POLQ: variants seen among roughly 807,000 people sequenced by gnomAD.
POLQ encodes DNA polymerase theta.
In POLQ, 233 loss-of-function variants were observed where a neutral mutation model predicts 259.2. That is an observed-to-expected ratio of 0.90 (90% CI 0.81 to 1.00). The LOEUF (loss-of-function observed/expected upper bound fraction) is 1.00, where lower values mean the gene tolerates loss of function less well. Ranked by LOEUF, POLQ falls within the 50% of genes least tolerant of loss-of-function variation. The probability of loss-of-function intolerance (pLI) is 0.00; values close to 1 mark genes in which losing one functional copy is unlikely to be tolerated. For missense variants in POLQ, 2,871 were observed against 3,051.6 expected, an observed-to-expected ratio of 0.94 and a Z score of 1.39; for synonymous variants, 1,025 against 1,048.8, an observed-to-expected ratio of 0.98 and a Z score of 0.44.
chr3:121,436,184 G>C lies in POLQ; in HGVS notation c.7481C>G (p.Thr2494Ser). 1.9e-6 allele frequency: 3 copies of C among 1,613,664 alleles called. No homozygotes were observed. Among genetic ancestry groups the C allele is most frequent in the Non-Finnish European group, 1.7e-6 (2 of 1,179,618 alleles). The change falls in exon 28 of 30, where the codon ACC (threonine) becomes AGC (serine). Residue 2494 changes from threonine (T) to serine (S), a missense_variant. Physicochemically the swap from Thr to Ser is moderately conservative, Grantham distance 58 (BLOSUM62 1). This residue lies in a region of POLQ where 2,080 missense variants were observed against 2,126.0 expected (regional missense o/e 0.98). Transcript: ENST00000264233. ...ATVNIQKQLE[T>S]FHSTFKSHGH... The stretch of plus-strand genomic sequence containing the variant: ...ATGGGATTTGAAGGTTGAGTGGAAG[G>C]TCTCTAATTGCTTCTGAATGTTAAC...
At chr3:121,479,362 ATGTGTGTG>A (rs71133538) in intron 19 of POLQ, among the ~76,000 whole-genome samples, 6 of 142,654 alleles carry the variant, frequency 4.2e-5, no homozygotes, top group African/African-American at 7.9e-5. Context: ...AAAAAAAAAA[ATGTGTGTG>A]TGTGTGTGTG....
chr3:121,521,418 A>G (rs2048335513), intron 8 of POLQ, among the ~76,000 whole-genome samples: 1 of 152,156 alleles, frequency 6.6e-6, no homozygotes, highest in Non-Finnish European at 1.5e-5. Context: ...TTTCTAATGC[A>G]TTTAAAAGTT....
At position 121,432,146 on chromosome 3, in the gene POLQ, T is replaced by C. The variant is rs1235906352; in HGVS notation, c.*158A>G. ...CAGAAGTTTTTGATGCTATAGACAC[T>C]GATATATAGTTTGAAACTCTCACTA... On this transcript the variant is annotated 3_prime_UTR_variant, in exon 30 of 30. Transcript: ENST00000264233. 1.6e-6 allele frequency: 1 copy of C among 615,834 alleles called. No homozygotes were observed. Among genetic ancestry groups the C allele is most frequent in the Non-Finnish European group, 2.6e-6 (1 of 380,882 alleles). 38.1% of individuals were successfully genotyped at this position (615,834 alleles called of 1,614,324 possible). A position where few individuals can be genotyped will look rare whatever the true frequency, so the allele number is the denominator to read the frequency against.
rs1183015413 is a variant in POLQ, at chr3:121,473,468, T to C, written c.6425A>G (p.Lys2142Arg). 3 of 1,612,664 alleles carry C rather than the reference T, an allele frequency of 1.9e-6. No homozygotes were observed. Among genetic ancestry groups the C allele is most frequent in the East Asian group, 2.2e-5 (1 of 44,876 alleles). ...TTTCATCTCTCTATTTGGGGGCAAC[T>C]TCAATTCCAAAAATAAAACCTGCAA... The part of the protein sequence containing the change: ...DIAEVLFLEL[K>R]LPPNREMKNQ... The change falls in exon 21 of 30, where the codon AAG becomes AGG. Residue 2142 changes from lysine to arginine, a missense_variant. By Grantham distance (26) the Lys-to-Arg change is conservative (BLOSUM62 2). Around this residue, in one of 3 missense-constraint regions of POLQ, gnomAD observed 2,080 missense variants for 2,126.0 expected, o/e 0.98. Coordinates refer to ENST00000264233, the MANE Select transcript of POLQ (RefSeq NM_199420.4).
chr3:121,456,102 C>G (rs1260101388), intron 25 of POLQ, among the ~76,000 whole-genome samples: 1 of 152,088 alleles, frequency 6.6e-6, no homozygotes, highest in Non-Finnish European at 1.5e-5. Context: ...AAATGTAATC[C>G]AGCATATAAA....
intron 6 of POLQ, among the ~76,000 whole-genome samples, chr3:121,530,366 G>A (rs2048402436): frequency 6.6e-6 from 1 of 152,090 alleles, no homozygotes; most frequent in South Asian, 2.1e-4. Context: ...ATTTAAGGTA[G>A]GCTAGGCTAA....
chr3:121,542,705 A>G (rs974908276), intron 2 of POLQ, among the ~76,000 whole-genome samples: 1 of 152,188 alleles, frequency 6.6e-6, no homozygotes, highest in Admixed American at 6.6e-5. Context: ...ACAGTGAATC[A>G]TGCCTGTAAT....
At chr3:121,468,247 T>A in intron 23 of POLQ, 58 bp downstream of exon 23, 2 of 1,374,046 alleles carry the variant, frequency 1.5e-6, no homozygotes, top group East Asian at 4.7e-5. Flanking sequence ...ATAAGCTATT[T>A]TGAGCCATTC....
At position 121,537,227 on chromosome 3, in the gene POLQ, T is replaced by C; in HGVS notation, c.632-19A>G. ...ACCATTCCTAAAAAGATTTTCCAGA[T>C]ACTAGGTTTTTACAGAATGTCACAT... On this transcript the variant is annotated intron_variant, in intron 4 of 29. Coordinates refer to ENST00000264233, the MANE Select transcript of POLQ (RefSeq NM_199420.4). 1.5e-6 allele frequency: 2 copies of C among 1,363,732 alleles called. No individual in the cohort carries two copies. Among genetic ancestry groups the C allele is most frequent in the Non-Finnish European group, 2.1e-6 (2 of 955,168 alleles). The allele number at this position is 1,363,732 out of a possible 1,614,324, so 84.5% of individuals were successfully genotyped here. A position where few individuals can be genotyped will look rare whatever the true frequency, so the allele number is the denominator to read the frequency against.
chr3:121,459,139 A>T (rs73855394), intron 25 of POLQ, among the ~76,000 whole-genome samples: 3,274 of 152,214 alleles, frequency 0.022, 116 homozygotes, highest in African/African-American at 0.075. Flanking sequence ...ACTAACATGG[A>T]TCCATTTCAA....
At chr3:121,543,093 T>C (rs1158585996) in intron 2 of POLQ, among the ~76,000 whole-genome samples, 2 of 152,196 alleles carry the variant, frequency 1.3e-5, no homozygotes, top group African/African-American at 4.8e-5. Flanking sequence ...TAATGAGCTG[T>C]ACCAGGTAAT....
At chr3:121,539,763 TAA>T (rs2048477716) in intron 3 of POLQ, among the ~76,000 whole-genome samples, 174 bp from the exon 4 acceptor site, 1 of 152,198 alleles carries the variant, frequency 6.6e-6, no homozygotes, top group Non-Finnish European at 1.5e-5. Context: ...ACTAAAAATA[TAA>T]AGTTTAGAAC....
At chr3:121,439,667 G>T (rs960267684) in intron 27 of POLQ, among the ~76,000 whole-genome samples, 1 of 151,962 alleles carries the variant, frequency 6.6e-6, no homozygotes, top group African/African-American at 2.4e-5. Flanking sequence ...AGGAAACAAA[G>T]AATAATTAGC....
chr3:121,541,296 A>C, intron 3 of POLQ, 53 bp downstream of exon 3: 1 of 1,422,342 alleles, frequency 7.0e-7, no homozygotes, highest in Middle Eastern at 1.8e-4. Context: ...GAATGAAACC[A>C]AGACTGCCAA....
intron 16 of POLQ, 55 bp from the exon 17 acceptor site, chr3:121,485,239 T>A (rs2048002399): frequency 8.3e-7 from 1 of 1,204,402 alleles, no homozygotes; most frequent in South Asian, 1.6e-5. Flanking sequence ...AGACATTACA[T>A]AAATTGTTAA....
At chr3:121,497,944 T>C (rs1395160300) in intron 13 of POLQ, among the ~76,000 whole-genome samples, 1 of 152,216 alleles carries the variant, frequency 6.6e-6, no homozygotes, top group Non-Finnish European at 1.5e-5. Flanking sequence ...CCTTAAAAGA[T>C]AAGGTCTTTA....
chr3:121,439,955 A>C, intron 27 of POLQ, 37 bp downstream of exon 27: 1 of 1,562,178 alleles, frequency 6.4e-7, no homozygotes, highest in Non-Finnish European at 8.8e-7. Context: ...ATGTCATTGA[A>C]ATGTTAAGTT....
chr3:121,536,294 T>C (rs1045884905), intron 5 of POLQ, among the ~76,000 whole-genome samples: 2 of 151,876 alleles, frequency 1.3e-5, no homozygotes, highest in Non-Finnish European at 2.9e-5. Flanking sequence ...AGGGAGAAGA[T>C]TGGGTAGTGG....
At chr3:121,522,586 CAGG>C (rs2048345402) in intron 7 of POLQ, among the ~76,000 whole-genome samples, 1 of 152,050 alleles carries the variant, frequency 6.6e-6, no homozygotes, top group Admixed American at 6.6e-5. Flanking sequence ...GCTGGGATTA[CAGG>C]CGTGAGCCAC....
Sources: allele counts gnomAD v4.1 joint callset (sites outside exome capture counted in the v4.1 genomes callset), GRCh38; gene constraint gnomAD v4.1.1; regional missense constraint gnomAD v4.1.1; transcripts MANE v1.5; gene names NCBI Gene and HGNC (gene_info 2026-07-23, HGNC 2026-07-21).